The following TGFB1 variants were observed in gnomAD, a reference collection of about 807,000 sequenced individuals.
TGFB1 encodes the protein transforming growth factor beta 1.
A neutral mutation model predicts 43.8 loss-of-function variants in TGFB1; 19 were observed. The observed-to-expected ratio is 0.43, with a 90% confidence interval of 0.30 to 0.64. The LOEUF is 0.64. TGFB1 is among the 30% of genes least tolerant of loss of function. The probability of loss-of-function intolerance (pLI) is 0.11; values close to 1 mark genes in which losing one functional copy is unlikely to be tolerated. For synonymous variants in TGFB1, 221 were observed against 236.3 expected, an observed-to-expected ratio of 0.94 and a Z score of 0.60; for missense variants, 445 against 529.8, an observed-to-expected ratio of 0.84 and a Z score of 1.57.
intron 1 of TGFB1, among the ~76,000 whole-genome samples, chr19:41,350,668 G>T (rs1467780544): frequency 1.3e-5 from 2 of 152,194 alleles, no homozygotes; most frequent in Non-Finnish European, 2.9e-5. Flanking sequence ...GCCATGAACT[G>T]CTGGATCAAC....
intron 2 of TGFB1, 32 bp downstream of exon 2, chr19:41,348,263 G>A (rs1348495235): frequency 1.2e-6 from 2 of 1,610,102 alleles, no homozygotes; most frequent in Non-Finnish European, 8.5e-7. Flanking sequence ...TCCAGCCCAT[G>A]CCCTGACCTT....
At chr19:41,344,940 C>T (rs1432951041) in intron 2 of TGFB1, 76 bp from the exon 3 acceptor site, 2 of 1,342,792 alleles carry the variant, frequency 1.5e-6, no homozygotes, top group African/African-American at 1.5e-5. Context: ...CTGAATCCTT[C>T]ACCCCATCTG....
rs745683754 is a variant in TGFB1 at position 41,331,024 on chromosome 19, CCGGGG to C, written c.*23_*27del. The C allele has an allele frequency of 1.8e-4, 193 of 1,061,616 alleles. No homozygotes were observed. The highest frequency in any genetic ancestry group is 1.2e-3 in the Middle Eastern group (3 of 2,554). The allele number at this position is 1,061,616 out of a possible 1,614,324, so 65.8% of individuals were successfully genotyped here. A position where few individuals can be genotyped will look rare whatever the true frequency, so the allele number is the denominator to read the frequency against. On this transcript the variant is annotated 3_prime_UTR_variant, in exon 7 of 7. Coordinates refer to ENST00000221930, the MANE Select transcript of TGFB1 (RefSeq NM_000660.7). ...GCGGGGCGGGGTGGGGCCGGGCCTG[CCGGGG>C]CGGGGCGGGGCGGGGCGGGACCTCA...
intron 5 of TGFB1, among the ~76,000 whole-genome samples, chr19:41,333,299 G>A (rs1206685358): frequency 4.6e-5 from 6 of 131,398 alleles, no homozygotes; most frequent in African/African-American, 1.4e-4. Context: ...TGCAACCTCC[G>A]CCTCCCAGGT....
chr19:41,333,961 G>A (rs2037962163), intron 5 of TGFB1, among the ~76,000 whole-genome samples: 1 of 152,206 alleles, frequency 6.6e-6, no homozygotes, highest in Non-Finnish European at 1.5e-5. Flanking sequence ...TATCTTCATT[G>A]CTTTTGTATA....
intron 6 of TGFB1, 126 bp downstream of exon 6, chr19:41,332,002 A>T: frequency 8.7e-7 from 1 of 1,153,454 alleles, no homozygotes; most frequent in Non-Finnish European, 1.2e-6. Context: ...TCCCCTCCCC[A>T]CCCCATCCCT....
intron 5 of TGFB1, among the ~76,000 whole-genome samples, chr19:41,340,617 A>G: frequency 6.6e-6 from 1 of 152,240 alleles, no homozygotes; most frequent in South Asian, 2.1e-4. Context: ...CCAGCATTCT[A>G]ATATTCTAAC....
intron 1 of TGFB1, among the ~76,000 whole-genome samples, chr19:41,348,929 T>C (rs1487898779): frequency 6.6e-6 from 1 of 152,096 alleles, no homozygotes; most frequent in South Asian, 2.1e-4. Context: ...GCCCTGACTG[T>C]GATACTTTTT....
chr19:41,350,453 G>A (rs528170054), intron 1 of TGFB1, among the ~76,000 whole-genome samples: 3 of 151,650 alleles, frequency 2.0e-5, no homozygotes, highest in Admixed American at 6.6e-5. Flanking sequence ...TACAGGCGCC[G>A]CCCGCCACCC....
At chr19:41,343,143 T>TC (rs1175315476) in intron 3 of TGFB1, among the ~76,000 whole-genome samples, 1 of 151,152 alleles carries the variant, frequency 6.6e-6, no homozygotes, top group African/African-American at 2.4e-5. Flanking sequence ...TCTTTTCTTT[T>TC]TTTTTTTTGA....
At position 41,331,153 on chromosome 19, in the gene TGFB1, G is replaced by T; in HGVS notation, c.1072C>A (p.Pro358Thr). Residue 358 changes from proline (P) to threonine (T), a missense_variant, in exon 7 of 7, where the codon CCG (proline) becomes ACG (threonine). Transcript: ENST00000221930. Reference sequence around the variant, plus strand: ...ATGGGCAGCGGCTCCAGCGCCTGCGGCACGCAGCACGGCGCCGCCGAGGCG... The same window carrying T: ...ATGGGCAGCGGCTCCAGCGCCTGCGTCACGCAGCACGGCGCCGCCGAGGCG... ...PGASAAPCCV[P>T]QALEPLPIVY... 1 of 1,564,372 alleles carries T rather than the reference G, an allele frequency of 6.4e-7. No homozygotes were observed.
chr19:41,332,108 G>A lies in TGFB1; in HGVS notation c.1014+20C>T, dbSNP rs2123079962. 7 of 1,604,628 alleles carry A rather than the reference G, an allele frequency of 4.4e-6. No individual in the cohort carries two copies. Among genetic ancestry groups the A allele is most frequent in the Non-Finnish European group, 6.0e-6 (7 of 1,172,332 alleles). ...TGGCTCCCCCCAAGCGCATCTCGTA[G>A]CCCGGTGGGCCAGACGTACCTTGCT... On this transcript the variant is annotated intron_variant, in intron 6 of 6. Coordinates refer to ENST00000221930, the MANE Select transcript of TGFB1 (RefSeq NM_000660.7).
chr19:41,349,609 T>C (rs1317560009), intron 1 of TGFB1, among the ~76,000 whole-genome samples: 1 of 151,966 alleles, frequency 6.6e-6, no homozygotes, highest in Non-Finnish European at 1.5e-5. Context: ...ATACAAAAAT[T>C]GGCCAGGCAT....
At chr19:41,341,219 C>A (rs1283706807) in intron 5 of TGFB1, among the ~76,000 whole-genome samples, 1 of 151,980 alleles carries the variant, frequency 6.6e-6, no homozygotes, top group African/African-American at 2.4e-5. Context: ...GTAATCCCAG[C>A]ACTTTGGGAG....
intron 5 of TGFB1, among the ~76,000 whole-genome samples, chr19:41,340,510 G>C (rs1050052698): frequency 2.0e-5 from 3 of 152,000 alleles, no homozygotes; most frequent in Non-Finnish European, 4.4e-5. Flanking sequence ...TTGAACTCCA[G>C]ACCTCAGGGA....
In TGFB1 at chr19:41,348,418, T is replaced by C. The variant is rs2038142501; in HGVS notation, c.393A>G (p.Ile131Met). 6.2e-7 allele frequency: 1 copy of C among 1,613,026 alleles called. No homozygotes were observed. Among genetic ancestry groups the C allele is most frequent in the Non-Finnish European group, 8.5e-7 (1 of 1,179,496 alleles). The change falls in exon 2 of 7, where the codon ATA becomes ATG. Residue 131 changes from isoleucine (I) to methionine (M), a missense_variant. Coordinates refer to ENST00000221930, the MANE Select transcript of TGFB1 (RefSeq NM_000660.7). The part of the protein sequence containing the change: ...YDKFKQSTHS[I>M]YMFFNTSELR... ...GCTCTGATGTGTTGAAGAACATATA[T>C]ATGCTGTGTGTACTCTGCTTGAACT... is the stretch of plus-strand genomic sequence containing the variant.
At chr19:41,351,194 G>C (rs2038188078) in intron 1 of TGFB1, 2 of 152,480 alleles carry the variant, frequency 1.3e-5, no homozygotes, top group Non-Finnish European at 2.9e-5. Context: ...TGAAGCCACG[G>C]AAGATAAGGT....
chr19:41,349,970 G>C (rs1158724846), intron 1 of TGFB1, among the ~76,000 whole-genome samples: 3 of 151,600 alleles, frequency 2.0e-5, no homozygotes, highest in Non-Finnish European at 4.4e-5. Context: ...TCATTCCAGA[G>C]ACTGTGCTTT....
At chr19:41,337,103 G>A (rs554407752) in intron 5 of TGFB1, among the ~76,000 whole-genome samples, 6 of 151,734 alleles carry the variant, frequency 4.0e-5, no homozygotes, top group African/African-American at 1.2e-4. Flanking sequence ...GACTACAGGC[G>A]CCTGCCACCA....
Sources: gnomAD v4.1 joint callset for allele counts (sites outside exome capture counted in the v4.1 genomes callset) on GRCh38, gnomAD v4.1.1 for gene constraint, MANE v1.5 for transcripts, NCBI Gene and HGNC (gene_info 2026-07-23, HGNC 2026-07-21) for gene names.